NFAT5: variants seen among roughly 807,000 people sequenced by gnomAD.
NFAT5 encodes the protein nuclear factor of activated T-cells 5.
NFAT5 carries 31 observed loss-of-function variants against 166.5 expected under a neutral mutation model. The ratio of observed to expected loss-of-function variants is 0.19; its 90% CI spans 0.14 to 0.25. The LOEUF (loss-of-function observed/expected upper bound fraction) is 0.25, where lower values mean the gene tolerates loss of function less well. Among genes scored for constraint, NFAT5 ranks in the 10% least tolerant of loss-of-function variants. The pLI, the probability that NFAT5 is intolerant of heterozygous loss-of-function variation, is 1.00. For missense variants in NFAT5, 1,449 were observed against 1,821.8 expected, an observed-to-expected ratio of 0.80 and a Z score of 3.72; for synonymous variants, 612 against 639.7, an observed-to-expected ratio of 0.96 and a Z score of 0.65.
intron 3 of NFAT5, among the ~76,000 whole-genome samples, chr16:69,642,674 G>C (rs1482545523): frequency 6.6e-6 from 1 of 151,754 alleles, no homozygotes. Context: ...AAAATTAGCC[G>C]GACGTGGTGG....
At chr16:69,645,563 G>A (rs2035403689) in intron 3 of NFAT5, among the ~76,000 whole-genome samples, 1 of 151,978 alleles carries the variant, frequency 6.6e-6, no homozygotes, top group South Asian at 2.1e-4. Context: ...GAAAAAAACA[G>A]ATCTTTGGCA....
At chr16:69,673,446 G>T (rs1298741838) in intron 9 of NFAT5, among the ~76,000 whole-genome samples, 1 of 152,048 alleles carries the variant, frequency 6.6e-6, no homozygotes, top group Non-Finnish European at 1.5e-5. Flanking sequence ...GTTGAGACTG[G>T]GCATAGTGAC....
intron 11 of NFAT5, among the ~76,000 whole-genome samples, chr16:69,688,817 CA>C (rs2037433659): frequency 6.6e-6 from 1 of 152,188 alleles, no homozygotes; most frequent in African/African-American, 2.4e-5. Flanking sequence ...TCTGCCTTCA[CA>C]GAGCTCATGA....
At chr16:69,690,795 T>C (rs563975658) in intron 11 of NFAT5, 145 bp from the exon 12 acceptor site, 18 of 561,090 alleles carry the variant, frequency 3.2e-5, no homozygotes, top group African/African-American at 2.5e-4. Flanking sequence ...AGATATATCT[T>C]AATATACCAG....
chr16:69,634,096 G>A (rs1273819512), intron 3 of NFAT5, among the ~76,000 whole-genome samples: 1 of 151,854 alleles, frequency 6.6e-6, no homozygotes, highest in African/African-American at 2.4e-5. Flanking sequence ...TAGCCATCAT[G>A]GTGAAACCCC....
rs754792616 is a variant in NFAT5 at position 69,677,326 on chromosome 16, C to G, written c.1681C>G (p.Pro561Ala). The change falls in exon 10 of 15, where the codon CCA becomes GCA. Residue 561 changes from proline (P) to alanine (A), a missense_variant. Physicochemically the swap from Pro to Ala is conservative, Grantham distance 27. Coordinates refer to ENST00000349945, the MANE Select transcript of NFAT5 (RefSeq NM_138713.4). ...SHDVQPFTYT[P>A]DPAAAGALNV... ...TGATGTTCAACCATTCACTTACACT[C>G]CAGACCCAGGTATGTCAAAATGAAA... 11 of 1,582,744 alleles carry G rather than the reference C, an allele frequency of 6.9e-6. No individual in the cohort carries two copies. Among genetic ancestry groups the G allele is most frequent in the African/African-American group, 2.7e-5 (2 of 73,210 alleles).
chr16:69,691,385 T>G (rs577601701), intron 12 of NFAT5, among the ~76,000 whole-genome samples: 1 of 152,294 alleles, frequency 6.6e-6, no homozygotes, highest in South Asian at 2.1e-4. Flanking sequence ...TTTTTACTTG[T>G]CTTATCCCCT....
At chr16:69,686,403 A>G (rs1048352973) in intron 11 of NFAT5, among the ~76,000 whole-genome samples, 4 of 152,126 alleles carry the variant, frequency 2.6e-5, no homozygotes, top group Middle Eastern at 3.4e-3. Context: ...TGCACTTATC[A>G]TCCTAGCTAT....
At chr16:69,641,573 C>G (rs528892145) in intron 3 of NFAT5, among the ~76,000 whole-genome samples, 2 of 152,116 alleles carry the variant, frequency 1.3e-5, no homozygotes, top group South Asian at 4.1e-4. Flanking sequence ...AAAGGTATTT[C>G]TTTCTTTTGA....
chr16:69,570,794 G>T (rs2142896429), intron 2 of NFAT5, among the ~76,000 whole-genome samples: 2 of 152,082 alleles, frequency 1.3e-5, no homozygotes, highest in South Asian at 4.1e-4. Context: ...AGTTCATATT[G>T]TTGCTCTGAC....
chr16:69,608,522 C>A (rs1417167371), intron 2 of NFAT5, among the ~76,000 whole-genome samples: 1 of 151,992 alleles, frequency 6.6e-6, no homozygotes, highest in Non-Finnish European at 1.5e-5. Context: ...TTTGGGAGGC[C>A]GAGGCGGGCG....
chr16:69,634,821 C>A (rs937247392), intron 3 of NFAT5, among the ~76,000 whole-genome samples: 1 of 152,072 alleles, frequency 6.6e-6, no homozygotes, highest in Non-Finnish European at 1.5e-5. Context: ...CATATCATAT[C>A]TCCTATATAG....
intron 3 of NFAT5, among the ~76,000 whole-genome samples, chr16:69,636,516 G>C (rs2034975127): frequency 6.6e-6 from 1 of 152,212 alleles, no homozygotes; most frequent in Non-Finnish European, 1.5e-5. Context: ...AAACTTGCCA[G>C]GGCATCCAGG....
At chr16:69,606,922 T>C (rs1021617712) in intron 2 of NFAT5, among the ~76,000 whole-genome samples, 13 of 152,320 alleles carry the variant, frequency 8.5e-5, no homozygotes, top group Admixed American at 8.5e-4. Flanking sequence ...GAAATGGGCA[T>C]GAGGTATTCA....
At chr16:69,587,197 T>G (rs2032125996) in intron 2 of NFAT5, among the ~76,000 whole-genome samples, 1 of 151,656 alleles carries the variant, frequency 6.6e-6, no homozygotes, top group Non-Finnish European at 1.5e-5. Context: ...TTCTTCTGCC[T>G]CAGCCTCCTG....
In NFAT5 at chr16:69,566,736, GCGCTGGGGCCAC is replaced by G. The variant is rs2016071355; in HGVS notation, c.73+366_73+377del. On this transcript the variant is annotated intron_variant, in intron 1 of 14. Transcript: ENST00000349945. This position sits in a 1 kb window ranked among gnomAD's most constrained non-coding sequence, Gnocchi z 5.7. Reference sequence around the variant, plus strand: ...CGGGGATGGCCCCAGACTGGGCCCCGCGCTGGGGCCACCGCGATCGGGGCGCCGCGTCTTCTC... The same window carrying G: ...CGGGGATGGCCCCAGACTGGGCCCCGCGCGATCGGGGCGCCGCGTCTTCTC... 6.6e-6 allele frequency among the ~76,000 whole-genome samples: 1 copy of G among 151,922 alleles called. No homozygotes were observed. The highest frequency in any genetic ancestry group is 2.1e-4 in the South Asian group (1 of 4,798).
intron 3 of NFAT5, among the ~76,000 whole-genome samples, chr16:69,642,579 G>C (rs1293332276): frequency 6.6e-6 from 1 of 151,926 alleles, no homozygotes; most frequent in Non-Finnish European, 1.5e-5. Flanking sequence ...CCAGCACTTT[G>C]GGAGGCTGAG....
chr16:69,598,230 T>C (rs949032248), intron 2 of NFAT5, among the ~76,000 whole-genome samples: 1 of 151,646 alleles, frequency 6.6e-6, no homozygotes, highest in Non-Finnish European at 1.5e-5. Context: ...AATAAAAAAT[T>C]AGCCTGGCAT....
chr16:69,674,810 A>G (rs1210976020), intron 9 of NFAT5, among the ~76,000 whole-genome samples: 1 of 152,208 alleles, frequency 6.6e-6, no homozygotes, highest in African/African-American at 2.4e-5. Context: ...TTGCTGGTAC[A>G]CTCTGAAAAA....
Sources: allele counts gnomAD v4.1 joint callset (sites outside exome capture counted in the v4.1 genomes callset), GRCh38; gene constraint gnomAD v4.1.1; non-coding constraint Gnocchi (gnomAD v3.1); transcripts MANE v1.5; gene names NCBI Gene and HGNC (gene_info 2026-07-23, HGNC 2026-07-21).